WNT9B: variants seen among roughly 807,000 people sequenced by gnomAD.
WNT9B encodes the protein protein Wnt-9b.
A neutral mutation model predicts 30.2 loss-of-function variants in WNT9B; 12 were observed. The ratio of observed to expected loss-of-function variants is 0.40; its 90% CI spans 0.26 to 0.64. The LOEUF (loss-of-function observed/expected upper bound fraction) is 0.64. Ranked by LOEUF, WNT9B falls within the 30% of genes least tolerant of loss-of-function variation. The pLI, the probability that WNT9B is intolerant of heterozygous loss-of-function variation, is 0.42. For synonymous variants in WNT9B, 218 were observed against 216.9 expected (o/e 1.01, Z -0.05); for missense variants, 442 against 485.2 (o/e 0.91, Z 0.84).
In WNT9B at chr17:46,858,199, G is replaced by T. The variant is rs139399050; in HGVS notation, c.77+6484G>T. Among the ~76,000 whole-genome samples, 3 of 152,280 alleles carry T rather than the reference G, an allele frequency of 2.0e-5. No individual in the cohort carries two copies. The East Asian group carries it at 5.8e-4, about 29-fold the overall frequency. On this transcript the variant is annotated intron_variant, in intron 1 of 3. Transcript: ENST00000290015. ...CCCACCTCGGCCTCCCAAAGTGCTGGGATTACAGGCGTGAGCCACTTGGCC... is the reference window on the plus strand; with the variant it reads ...CCCACCTCGGCCTCCCAAAGTGCTGTGATTACAGGCGTGAGCCACTTGGCC...
chr17:46,836,095 C>CGTGTGTGTGTGTGTGT (rs59862934), intron 1 of WNT9B, among the ~76,000 whole-genome samples: 11,303 of 126,284 alleles, frequency 0.09, 771 homozygotes, highest in East Asian at 0.17. Context: ...GAGACGCTGA[C>CGTGTGTGTGTGTGTGT]GTGTGTGTGT....
In WNT9B at chr17:46,878,563, AG is replaced by A. The variant is rs1220762636; in HGVS notation, c.*1848del. On this transcript the variant is annotated 3_prime_UTR_variant, in exon 4 of 4. Transcript: ENST00000290015. ...TTGGCAGCAGGAGAAAAATGGGGAG[AG>A]GGCTGGTTTTCTCCTTTCTTCCACT... 6.6e-6 allele frequency among the ~76,000 whole-genome samples: 1 copy of A among 152,058 alleles called. No homozygotes were observed. The highest frequency in any genetic ancestry group is 6.5e-5 in the Admixed American group (1 of 15,272).
chr17:46,875,180 G>A lies in WNT9B; in HGVS notation c.414G>A (p.Gly138=), dbSNP rs768476943. 5 of 1,613,954 alleles carry A rather than the reference G, an allele frequency of 3.1e-6. No individual in the cohort carries two copies. The highest frequency in any genetic ancestry group is 2.2e-5 in the East Asian group (1 of 44,898). Residue 138 remains glycine (G), a synonymous_variant, in exon 3 of 4, where the codon GGG becomes GGA. Transcript: ENST00000290015. ...THTLARACSA[G]RMERCTCDDS... The stretch of plus-strand genomic sequence containing the variant: ...CCCTGGCCCGGGCCTGCAGCGCTGG[G>A]CGCATGGAGCGCTGCACCTGTGATG...
chr17:46,836,642 G>A (rs1044192128), intron 1 of WNT9B, among the ~76,000 whole-genome samples: 1 of 152,160 alleles, frequency 6.6e-6, no homozygotes, highest in Non-Finnish European at 1.5e-5. Context: ...TAAATATGCC[G>A]CATGTTGGGA....
In WNT9B at chr17:46,859,461, C is replaced by T. The variant is rs1048241458; in HGVS notation, c.77+7746C>T. ...CATCAATTGATTCAATATGTGTGGG[C>T]CTATTTCTGGACACTCTACTCTGTT... On this transcript the variant is annotated intron_variant, in intron 1 of 3. Transcript: ENST00000290015. Among the ~76,000 whole-genome samples the T allele has an allele frequency of 2.6e-5, 4 of 152,252 alleles. No homozygotes were observed. The East Asian group carries it at 5.8e-4, about 22-fold the overall frequency.
chr17:46,848,566 G>A (rs1185565682), upstream of WNT9B, among the ~76,000 whole-genome samples: 1 of 152,236 alleles, frequency 6.6e-6, no homozygotes, highest in Non-Finnish European at 1.5e-5. Flanking sequence ...CACAATTGCA[G>A]GGATGATCTG....
chr17:46,886,678 T>C (rs1273848555), exon 5 of WNT9B: 1 of 152,260 alleles, frequency 6.6e-6, no homozygotes, highest in South Asian at 2.1e-4. Flanking sequence ...TAAGCTGTGG[T>C]TCGGAGGGAT....
chr17:46,877,816 T>A lies in WNT9B; in HGVS notation c.*1098T>A, dbSNP rs2085369305. Among the ~76,000 whole-genome samples, 1 of 152,198 alleles carries A rather than the reference T, an allele frequency of 6.6e-6. No homozygotes were observed. ...TTGTGGCTGCTCATCTAGTTAAGGC[T>A]TTTGCCCTGGCTGGGGTTATAGGTG... On this transcript the variant is annotated 3_prime_UTR_variant, in exon 4 of 4. Coordinates refer to ENST00000290015, the MANE Select transcript of WNT9B (RefSeq NM_003396.3).
upstream of WNT9B, among the ~76,000 whole-genome samples, chr17:46,847,967 A>AGGGT (rs145784523): frequency 6.0e-5 from 9 of 149,702 alleles, no homozygotes; most frequent in Non-Finnish European, 1.2e-4. Context: ...TGATTTCCAA[A>AGGGT]GTGTGTGTGT....
At chr17:46,844,432 G>A (rs1442919493) in intron 1 of WNT9B, among the ~76,000 whole-genome samples, 1 of 151,390 alleles carries the variant, frequency 6.6e-6, no homozygotes, top group Non-Finnish European at 1.5e-5. Flanking sequence ...CCTACCATGA[G>A]TTCAGGAAAA....
intron 2 of WNT9B, 27 bp downstream of exon 2, chr17:46,872,800 A>C: frequency 2.2e-5 from 20 of 891,922 alleles, no homozygotes; most frequent in Non-Finnish European, 2.9e-5. Flanking sequence ...GGGGACGGGG[A>C]GGGCTGGGGG....
chr17:46,853,516 C>T (rs932182550), intron 1 of WNT9B, among the ~76,000 whole-genome samples: 2 of 151,812 alleles, frequency 1.3e-5, no homozygotes, highest in African/African-American at 4.8e-5. Context: ...GGACTATAGG[C>T]GCGTGCCACC....
At chr17:46,855,672 A>G (rs948377009) in intron 1 of WNT9B, among the ~76,000 whole-genome samples, 5 of 152,210 alleles carry the variant, frequency 3.3e-5, no homozygotes, top group Non-Finnish European at 7.3e-5. Flanking sequence ...GCTGGGCACA[A>G]GACAGGCCCA....
intron 1 of WNT9B, 63 bp from the exon 2 acceptor site, chr17:46,872,454 C>T: frequency 7.0e-7 from 1 of 1,430,932 alleles, no homozygotes; most frequent in South Asian, 1.7e-5. Flanking sequence ...GGCCCCTTCC[C>T]TTCATTTGCC....
In WNT9B at chr17:46,840,357, A is replaced by AT. The variant is rs530873969; in HGVS notation, c.95+6919dup. Among the ~76,000 whole-genome samples, 138 of 152,292 alleles carry AT rather than the reference A, an allele frequency of 9.1e-4. 2 individuals carry two copies. Among genetic ancestry groups the AT allele is most frequent in the African/African-American group, 3.2e-3 (133 of 41,546 alleles). On this transcript the variant is annotated intron_variant, in intron 1 of 2. Coordinates refer to the WNT9B transcript ENST00000575372. ...CGCCTCGGCCTCCCAAAGTGCTGGG[A>AT]TTACAGGCGCGAGCCACGGTGCCCA...
chr17:46,833,195 G>A, upstream of WNT9B: 1 of 392,916 alleles, frequency 2.5e-6, no homozygotes, highest in South Asian at 1.9e-5. Context: ...CAGCACAGAG[G>A]ACGTCAGCAA....
intron 1 of WNT9B, among the ~76,000 whole-genome samples, chr17:46,844,407 C>A (rs2084750532): frequency 6.7e-6 from 1 of 149,290 alleles, no homozygotes; most frequent in African/African-American, 2.5e-5. Flanking sequence ...AAACATCTGG[C>A]TGGGCCACTG....
In WNT9B at chr17:46,879,721, T is replaced by C. The variant is rs1433744423; in HGVS notation, c.*3003T>C. Among the ~76,000 whole-genome samples, 1 of 152,230 alleles carries C rather than the reference T, an allele frequency of 6.6e-6. No individual in the cohort carries two copies. Among genetic ancestry groups the C allele is most frequent in the Non-Finnish European group, 1.5e-5 (1 of 68,040 alleles). On this transcript the variant is annotated 3_prime_UTR_variant, in exon 4 of 4. Transcript: ENST00000290015. ...CCAGGCACTACGGGCTGACCTGCTC[T>C]GAGCCCAGGAGCCCCAAAGCCTGGA...
At chr17:46,856,533 G>A (rs888530017) in intron 1 of WNT9B, among the ~76,000 whole-genome samples, 1 of 149,812 alleles carries the variant, frequency 6.7e-6, no homozygotes, top group Non-Finnish European at 1.5e-5. Flanking sequence ...CGCCCAGGCT[G>A]GAATGCAGTG....
Sources: allele counts gnomAD v4.1 joint callset (sites outside exome capture counted in the v4.1 genomes callset), GRCh38; gene constraint gnomAD v4.1.1; transcripts MANE v1.5; gene names NCBI Gene and HGNC (gene_info 2026-07-23, HGNC 2026-07-21).